The following SEC24B variants were observed in gnomAD, a reference collection of about 807,000 sequenced individuals.
The protein encoded by SEC24B is protein transport protein Sec24B.
In SEC24B, 45 loss-of-function variants were observed where a neutral mutation model predicts 142.8. The ratio of observed to expected loss-of-function variants is 0.32; its 90% CI spans 0.25 to 0.40. The LOEUF (loss-of-function observed/expected upper bound fraction) is 0.40. Ranked by LOEUF, SEC24B falls within the 10% of genes least tolerant of loss-of-function variation. The probability of loss-of-function intolerance (pLI) is 1.00; values close to 1 mark genes in which losing one functional copy is unlikely to be tolerated. For synonymous variants in SEC24B, 574 were observed against 568.2 expected (o/e 1.01, Z -0.15); for missense variants, 1,409 against 1,526.8 (o/e 0.92, Z 1.29).
intron 13 of SEC24B, 85 bp downstream of exon 13, chr4:109,521,257 T>C: frequency 9.9e-7 from 1 of 1,006,880 alleles, no homozygotes; most frequent in Non-Finnish European, 1.5e-6. Context: ...TTACTTGATA[T>C]ATTAGTATTA....
intron 11 of SEC24B, among the ~76,000 whole-genome samples, chr4:109,518,103 G>T (rs1168312564): frequency 6.6e-6 from 1 of 152,090 alleles, no homozygotes; most frequent in Non-Finnish European, 1.5e-5. Context: ...AAATAGCTGG[G>T]ATTACAGGCA....
intron 1 of SEC24B, among the ~76,000 whole-genome samples, chr4:109,447,625 C>T (rs1729606652): frequency 6.7e-6 from 1 of 149,502 alleles, no homozygotes; most frequent in Non-Finnish European, 1.5e-5. Context: ...CAAATGTTGG[C>T]AGAGGCATGT....
At chr4:109,501,783 C>T (rs1015802601) in intron 6 of SEC24B, among the ~76,000 whole-genome samples, 1 of 152,138 alleles carries the variant, frequency 6.6e-6, no homozygotes, top group African/African-American at 2.4e-5. Context: ...GCATTTAATT[C>T]TTTAAGACTT....
intron 22 of SEC24B, among the ~76,000 whole-genome samples, chr4:109,537,238 G>A (rs1031367141): frequency 1.3e-5 from 2 of 152,132 alleles, no homozygotes; most frequent in Middle Eastern, 3.2e-3. Flanking sequence ...TTTAAAATTT[G>A]ATAATAGGCA....
intron 11 of SEC24B, among the ~76,000 whole-genome samples, chr4:109,518,432 T>C (rs566814063): frequency 2.6e-5 from 4 of 152,336 alleles, no homozygotes; most frequent in African/African-American, 9.6e-5. Context: ...GGGCTTGTTA[T>C]ATATGAATAC....
chr4:109,457,344 G>C (rs1015008397), intron 1 of SEC24B, among the ~76,000 whole-genome samples: 2 of 152,210 alleles, frequency 1.3e-5, no homozygotes, highest in Non-Finnish European at 2.9e-5. Flanking sequence ...ATGACAGAAT[G>C]CCTGAGACTG....
At chr4:109,501,761 T>C (rs775708843) in intron 6 of SEC24B, among the ~76,000 whole-genome samples, 1 of 152,218 alleles carries the variant, frequency 6.6e-6, no homozygotes, top group Non-Finnish European at 1.5e-5. Context: ...CGCAAGCCAC[T>C]GCATCCGGCC....
At chr4:109,478,117 AC>A (rs1169443763) in intron 3 of SEC24B, among the ~76,000 whole-genome samples, 1 of 152,026 alleles carries the variant, frequency 6.6e-6, no homozygotes. Flanking sequence ...CCTCATCTCT[AC>A]CAAAAATGTA....
chr4:109,500,443 C>G (rs1182123593), intron 6 of SEC24B, among the ~76,000 whole-genome samples: 1 of 150,486 alleles, frequency 6.6e-6, no homozygotes, highest in Non-Finnish European at 1.5e-5. Flanking sequence ...ACTAGGGAGG[C>G]TGAAGCAGGA....
Position 109,483,034 on chromosome 4 carries a change from T to G in SEC24B, c.1165+1253T>G, listed in dbSNP as rs985515501. On this transcript the variant is annotated intron_variant, in intron 4 of 23. Coordinates refer to ENST00000265175, the MANE Select transcript of SEC24B (RefSeq NM_006323.5). ...ATACATATGTTTTTTATATATGTAT[T>G]TATATATATGTATTTATGTATTTAT... is the stretch of plus-strand genomic sequence containing the variant. Among the ~76,000 whole-genome samples the G allele has an allele frequency of 5.4e-4, 59 of 108,746 alleles. 4 individuals carry two copies. The highest frequency in any genetic ancestry group is 2.3e-3 in the African/African-American group (58 of 25,412). 71.3% of individuals were successfully genotyped at this position (108,746 alleles called of 152,430 possible).
chr4:109,500,168 A>G (rs1735962448), intron 6 of SEC24B, among the ~76,000 whole-genome samples: 1 of 152,232 alleles, frequency 6.6e-6, no homozygotes, highest in Non-Finnish European at 1.5e-5. Flanking sequence ...GTACAGCTGT[A>G]CAATGGGTGT....
chr4:109,478,263 G>A (rs1008381639), intron 3 of SEC24B, among the ~76,000 whole-genome samples: 1 of 151,024 alleles, frequency 6.6e-6, no homozygotes, highest in Non-Finnish European at 1.5e-5. Context: ...TCCAGCCTGG[G>A]TGACAGAGTG....
intron 19 of SEC24B, 98 bp downstream of exon 19, chr4:109,530,562 T>A: frequency 1.0e-6 from 1 of 954,196 alleles, no homozygotes; most frequent in Non-Finnish European, 1.6e-6. Flanking sequence ...AATACTTAAC[T>A]AGAGGATTAT....
In SEC24B at chr4:109,505,825, A is replaced by G. The variant is rs79316545; in HGVS notation, c.1489-503A>G. 5.8e-3 allele frequency among the ~76,000 whole-genome samples: 888 copies of G among 152,346 alleles called. 8 individuals carry two copies. Among genetic ancestry groups the G allele is most frequent in the African/African-American group, 0.02 (840 of 41,584 alleles). On this transcript the variant is annotated intron_variant, in intron 6 of 23. Transcript: ENST00000265175. The stretch of plus-strand genomic sequence containing the variant: ...CATCTTGAAAGGGCTTTCACTGGCT[A>G]AAGATTGGGTAGTTTGAACATCATA...
chr4:109,525,962 A>C (rs1299847217), intron 16 of SEC24B, among the ~76,000 whole-genome samples: 1 of 152,102 alleles, frequency 6.6e-6, no homozygotes, highest in Non-Finnish European at 1.5e-5. Context: ...GTTTAGTCAG[A>C]TTATGTCTGA....
chr4:109,536,772 C>G (rs1725587386), intron 22 of SEC24B, among the ~76,000 whole-genome samples: 1 of 151,562 alleles, frequency 6.6e-6, no homozygotes, highest in Admixed American at 6.6e-5. Context: ...TTTGTGATCC[C>G]CCCACCTCGG....
At chr4:109,491,446 G>C in intron 5 of SEC24B, 39 bp downstream of exon 5, 1 of 1,457,604 alleles carries the variant, frequency 6.9e-7, no homozygotes, top group Non-Finnish European at 9.6e-7. Flanking sequence ...CATTTTGAAA[G>C]TTATTGACCA....
chr4:109,531,432 TG>T lies in SEC24B; in HGVS notation c.3301del (p.Ala1101ProfsTer5). The T allele has an allele frequency of 6.2e-7, 1 of 1,613,422 alleles. No individual in the cohort carries two copies. The highest frequency in any genetic ancestry group is 8.5e-7 in the Non-Finnish European group (1 of 1,179,310). ...TSTRLDDRVY[A>X]MCQIKSQPLV... ...GCACACGGCTGGATGATCGTGTATA[TG>T]CCATGTGTCAGATAAAGTCTCAGCC... On this transcript the variant is annotated frameshift_variant, in exon 20 of 24. Transcript: ENST00000265175. LOFTEE classifies it high-confidence loss of function.
At chr4:109,513,092 A>T (rs71603034) in intron 9 of SEC24B, among the ~76,000 whole-genome samples, 11,691 of 148,984 alleles carry the variant, frequency 0.078, 582 homozygotes, top group Middle Eastern at 0.18. Context: ...CTTCTGCCTC[A>T]GCCTCCCGAG....
Sources: allele counts gnomAD v4.1 joint callset (sites outside exome capture counted in the v4.1 genomes callset), GRCh38; gene constraint gnomAD v4.1.1; transcripts MANE v1.5; gene names NCBI Gene and HGNC (gene_info 2026-07-23, HGNC 2026-07-21).